Variants in MCUR1 observed in about 807,000 individuals in gnomAD.
MCUR1 encodes mitochondrial calcium uniporter regulator 1, also known as MCU regulator 1.
MCUR1 carries 37 observed loss-of-function variants against 42.0 expected under a neutral mutation model. The ratio of observed to expected loss-of-function variants is 0.88; its 90% confidence interval spans 0.68 to 1.16. The LOEUF (loss-of-function observed/expected upper bound fraction) is 1.16. Ranked by LOEUF, MCUR1 falls within the 50% of genes most tolerant of loss-of-function variation. The pLI is 0.00. For missense variants in MCUR1, 469 were observed against 468.4 expected (o/e 1.00, Z -0.01); for synonymous variants, 229 against 196.2 (o/e 1.17, Z -1.40).
intron 6 of MCUR1, among the ~76,000 whole-genome samples, chr6:13,798,253 G>T (rs1759900739): frequency 6.6e-6 from 1 of 151,240 alleles, no homozygotes; most frequent in Non-Finnish European, 1.5e-5. Flanking sequence ...CCGCCACCAT[G>T]CCCGGCTTAT....
At position 13,787,704 on chromosome 6, in the gene MCUR1, A is replaced by G. The variant is rs1186998326; in HGVS notation, c.*3105T>C. 6.6e-6 allele frequency: 1 copy of G among 152,104 alleles called. No individual in the cohort carries two copies. Among genetic ancestry groups the G allele is most frequent in the African/African-American group, 2.4e-5 (1 of 41,430 alleles). 9.4% of individuals were successfully genotyped at this position (152,104 alleles called of 1,614,324 possible). A position where few individuals can be genotyped will look rare whatever the true frequency, so the allele number is the denominator to read the frequency against. On this transcript the variant is annotated 3_prime_UTR_variant, in exon 9 of 9. Transcript: ENST00000379170. ...TTCCCTCCACCTGCACCTAGAGGATATGTGTTCAGGATCTCGCTATGGTTA... is the reference window on the plus strand; with the variant it reads ...TTCCCTCCACCTGCACCTAGAGGATGTGTGTTCAGGATCTCGCTATGGTTA...
Position 13,814,217 on chromosome 6 carries a change from G to T in MCUR1, c.213C>A (p.Leu71=), listed in dbSNP as rs1386472957. 24 of 1,457,030 alleles carry T rather than the reference G, an allele frequency of 1.6e-5. No individual in the cohort carries two copies. Among genetic ancestry groups the T allele is most frequent in the Admixed American group, 2.6e-5 (1 of 38,364 alleles). 90.3% of individuals were successfully genotyped at this position (1,457,030 alleles called of 1,614,324 possible). A position where few individuals can be genotyped will look rare whatever the true frequency, so the allele number is the denominator to read the frequency against. ...AGCGCGGGGAGGGCACTAGCAGGAG[G>T]AGGAGCAGCGGTGAGGCACGTGACA... ...GGVSRASPLL[L]LLLVPSPRLA... is the part of the protein sequence containing the mutation. The change falls in exon 1 of 9, where the codon CTC becomes CTA. Residue 71 remains leucine (L), a synonymous_variant. Transcript: ENST00000379170.
intron 7 of MCUR1, among the ~76,000 whole-genome samples, chr6:13,792,463 G>C (rs1309998150): frequency 6.6e-6 from 1 of 152,102 alleles, no homozygotes; most frequent in South Asian, 2.1e-4. Context: ...ATGTGAAAGC[G>C]GCAGTGCTTG....
intron 6 of MCUR1, 135 bp downstream of exon 6, chr6:13,798,698 G>T (rs1759910885): frequency 2.0e-6 from 1 of 503,806 alleles, no homozygotes. Context: ...TTATAATAGA[G>T]AAAATACAGC....
At position 13,801,281 on chromosome 6, in the gene MCUR1, G is replaced by GT; in HGVS notation, c.741+6dup. On this transcript the variant is annotated splice_region_variant and intron_variant, in intron 4 of 8. Transcript: ENST00000379170. ...CAACTTTCTAAGTGTGAGAGGCTCT[G>GT]TTTTACCTCATTTTCTGCTCTGAGG... The GT allele has an allele frequency of 6.3e-7, 1 of 1,586,266 alleles. No individual in the cohort carries two copies.
Position 13,790,679 on chromosome 6 carries a change from C to A in MCUR1, c.*130G>T, listed in dbSNP as rs1268909546. 8.5e-6 allele frequency: 5 copies of A among 589,410 alleles called. No homozygotes were observed. In the Admixed American group the frequency reaches 1.1e-4, roughly 13 times the overall value. The allele number at this position is 589,410 out of a possible 1,614,324, so 36.5% of individuals were successfully genotyped here. A position where few individuals can be genotyped will look rare whatever the true frequency, so the allele number is the denominator to read the frequency against. Reference sequence around the variant, plus strand: ...TGTTGGCCAGGCTGGTCTCGAACTCCTGACCTCAGGTAATCCACCTGCCTC... The same window carrying A: ...TGTTGGCCAGGCTGGTCTCGAACTCATGACCTCAGGTAATCCACCTGCCTC... On this transcript the variant is annotated 3_prime_UTR_variant, in exon 9 of 9. Transcript: ENST00000379170.
At chr6:13,790,981 G>T in intron 8 of MCUR1, 117 bp from the exon 9 acceptor site, 1 of 691,100 alleles carries the variant, frequency 1.4e-6, no homozygotes, top group Non-Finnish European at 2.4e-6. Context: ...GCTCACTGAT[G>T]TCCCATATTC....
rs1419206647 is a variant in MCUR1, at chr6:13,788,356, C to G, written c.*2453G>C. ...CAGATATGCATGCAATCCACACCAT[C>G]AAAAGAAGAGTTCACTGTTCCCAAG... On this transcript the variant is annotated 3_prime_UTR_variant, in exon 9 of 9. Coordinates refer to ENST00000379170, the MANE Select transcript of MCUR1 (RefSeq NM_001031713.4). The G allele has an allele frequency of 6.6e-6, 1 of 152,238 alleles. No individual in the cohort carries two copies. Among genetic ancestry groups the G allele is most frequent in the Non-Finnish European group, 1.5e-5 (1 of 68,082 alleles). The allele number at this position is 152,238 out of a possible 1,614,324, so 9.4% of individuals were successfully genotyped here. A position where few individuals can be genotyped will look rare whatever the true frequency, so the allele number is the denominator to read the frequency against.
At chr6:13,807,165 G>C (rs1760129501) in intron 1 of MCUR1, 121 bp from the exon 2 acceptor site, 1 of 1,080,492 alleles carries the variant, frequency 9.3e-7, no homozygotes, top group Non-Finnish European at 1.3e-6. Flanking sequence ...GCTTCGTTGA[G>C]ATATACAATT....
At chr6:13,808,559 C>A (rs1295180678) in intron 1 of MCUR1, among the ~76,000 whole-genome samples, 1 of 152,084 alleles carries the variant, frequency 6.6e-6, no homozygotes, top group Admixed American at 6.6e-5. Context: ...GTTGCTTGTG[C>A]TTTTGATAAC....
At chr6:13,803,033 T>C (rs1325069263) in intron 2 of MCUR1, among the ~76,000 whole-genome samples, 1 of 152,218 alleles carries the variant, frequency 6.6e-6, no homozygotes, top group Non-Finnish European at 1.5e-5. Flanking sequence ...TGATACTGAA[T>C]TGAATGATAG....
At chr6:13,791,681 TTAC>T (rs1759730050) in intron 8 of MCUR1, among the ~76,000 whole-genome samples, 194 bp downstream of exon 8, 1 of 152,226 alleles carries the variant, frequency 6.6e-6, no homozygotes, top group South Asian at 2.1e-4. Flanking sequence ...ATTACTTTAT[TTAC>T]TACTAAGAAA....
rs755680560 is a variant in MCUR1, at chr6:13,801,357, A to T, written c.672T>A (p.Ile224=). ...TAATCATATCCTTTTTCACATTCGC[A>T]ATCTGAGACATTACTTGCTGAAAAG... The part of the protein sequence containing the change: ...EITFQQVMSQ[I]ANVKKDMIIL... Residue 224 remains isoleucine (I), a synonymous_variant, in exon 4 of 9, where the codon ATT becomes ATA. Coordinates refer to ENST00000379170, the MANE Select transcript of MCUR1 (RefSeq NM_001031713.4). 1.7e-5 allele frequency: 27 copies of T among 1,612,438 alleles called. No homozygotes were observed. In the East Asian group the frequency reaches 5.8e-4, roughly 35 times the overall value.
At position 13,801,291 on chromosome 6, in the gene MCUR1, A is replaced by G. The variant is rs1759982542; in HGVS notation, c.738T>C (p.Asn246=). 9 of 1,607,438 alleles carry G rather than the reference A, an allele frequency of 5.6e-6. No individual in the cohort carries two copies. The highest frequency in any genetic ancestry group is 5.3e-5 in the African/African-American group (4 of 74,782). ...KSEFSALRAE[N]EKIKLELHQL... is the part of the protein sequence containing the mutation. Reference sequence around the variant, plus strand: ...AGTGTGAGAGGCTCTGTTTTACCTCATTTTCTGCTCTGAGGGCTGAAAATT... The same window carrying G: ...AGTGTGAGAGGCTCTGTTTTACCTCGTTTTCTGCTCTGAGGGCTGAAAATT... Residue 246 remains asparagine, a synonymous_variant, in exon 4 of 9, where the codon AAT becomes AAC. Transcript: ENST00000379170.
At position 13,789,337 on chromosome 6, in the gene MCUR1, G is replaced by A. The variant is rs965310697; in HGVS notation, c.*1472C>T. On this transcript the variant is annotated 3_prime_UTR_variant, in exon 9 of 9. Coordinates refer to ENST00000379170, the MANE Select transcript of MCUR1 (RefSeq NM_001031713.4). ...AATCGCTTGAACCCAGGAGGCAGAG[G>A]TTGCAGTGAGCAGAGATCACGACAA... The A allele has an allele frequency of 6.6e-6, 1 of 152,010 alleles. No individual in the cohort carries two copies. Among genetic ancestry groups the A allele is most frequent in the Non-Finnish European group, 1.5e-5 (1 of 68,130 alleles). The allele number at this position is 152,010 out of a possible 1,614,324, so 9.4% of individuals were successfully genotyped here.
chr6:13,809,263 AACATTATACTTTAAAGT>A lies in MCUR1; in HGVS notation c.416-2236_416-2220del, dbSNP rs200510421. ...ATGGATGTCTTTCCATTTATTTAGGAACATTATACTTTAAAGTACATTATACTTTAAGTACATTGTAC... is the reference window on the plus strand; with the variant it reads ...ATGGATGTCTTTCCATTTATTTAGGAACATTATACTTTAAGTACATTGTAC... On this transcript the variant is annotated intron_variant, in intron 1 of 8. Coordinates refer to ENST00000379170, the MANE Select transcript of MCUR1 (RefSeq NM_001031713.4). Among the ~76,000 whole-genome samples, 68 of 152,314 alleles carry A rather than the reference AACATTATACTTTAAAGT, an allele frequency of 4.5e-4. 1 individual carries two copies. In the East Asian group the frequency reaches 0.012, roughly 26 times the overall value.
chr6:13,788,649 G>C lies in MCUR1; in HGVS notation c.*2160C>G, dbSNP rs1759658234. 6.6e-6 allele frequency: 1 copy of C among 152,136 alleles called. No individual in the cohort carries two copies. Among genetic ancestry groups the C allele is most frequent in the South Asian group, 2.1e-4 (1 of 4,832 alleles). The allele number at this position is 152,136 out of a possible 1,614,324, so 9.4% of individuals were successfully genotyped here. On this transcript the variant is annotated 3_prime_UTR_variant, in exon 9 of 9. Transcript: ENST00000379170. ...TATGGCCCTTTATGCCACTCACCTA[G>C]GCCTTTAATAATGAGGGCAATTGCT... is the stretch of plus-strand genomic sequence containing the variant.
rs980927494 is a variant in MCUR1, at chr6:13,814,064, G to T, written c.366C>A (p.Ala122=). Residue 122 remains alanine (A), a synonymous_variant, in exon 1 of 9, where the codon GCC becomes GCA. Coordinates refer to ENST00000379170, the MANE Select transcript of MCUR1 (RefSeq NM_001031713.4). ...CSPGVAAAAG[A]LPQYHGPAPA... is the part of the protein sequence containing the mutation. ...GCGCCGGGCCGTGGTACTGGGGAAG[G>T]GCGCCGGCGGCAGCGGCGACGCCCG... 4.0e-6 allele frequency: 5 copies of T among 1,239,402 alleles called. No homozygotes were observed. Among genetic ancestry groups the T allele is most frequent in the Non-Finnish European group, 5.0e-6 (5 of 993,762 alleles). 76.8% of individuals were successfully genotyped at this position (1,239,402 alleles called of 1,614,324 possible).
At chr6:13,799,823 TTTTC>T (rs1285697726) in intron 5 of MCUR1, among the ~76,000 whole-genome samples, 2 of 132,874 alleles carry the variant, frequency 1.5e-5, no homozygotes, top group African/African-American at 6.1e-5. Context: ...TAGAACACAA[TTTTC>T]TTTTTTTTTT....
Sources: allele counts gnomAD v4.1 joint callset (sites outside exome capture counted in the v4.1 genomes callset), GRCh38; gene constraint gnomAD v4.1.1; transcripts MANE v1.5; gene names NCBI Gene and HGNC (gene_info 2026-07-23, HGNC 2026-07-21).